The following PSD4 variants were observed in gnomAD, a reference collection of about 807,000 sequenced individuals.
PSD4 encodes the protein pleckstrin and Sec7 domain containing 4.
In PSD4, 59 loss-of-function variants were observed where a neutral mutation model predicts 112.5. That is an observed-to-expected ratio of 0.52 (90% CI 0.43 to 0.65). PSD4 has a LOEUF of 0.65. Ranked by LOEUF, PSD4 falls within the 30% of genes least tolerant of loss-of-function variation. The pLI, the probability that PSD4 is intolerant of heterozygous loss-of-function variation, is 0.00. For synonymous variants in PSD4, 533 were observed against 540.0 expected, an observed-to-expected ratio of 0.99 and a Z score of 0.18; for missense variants, 1,267 against 1,352.6, an observed-to-expected ratio of 0.94 and a Z score of 0.99.
At chr2:113,179,824 G>A (rs1351538689) in intron 1 of PSD4, among the ~76,000 whole-genome samples, 1 of 152,172 alleles carries the variant, frequency 6.6e-6, no homozygotes, top group African/African-American at 2.4e-5. Flanking sequence ...CTGTTGGGGA[G>A]GCTGCCTTAA....
chr2:113,190,865 G>A (rs764302489), intron 5 of PSD4, among the ~76,000 whole-genome samples: 1 of 152,214 alleles, frequency 6.6e-6, no homozygotes, highest in Non-Finnish European at 1.5e-5. Flanking sequence ...TTTAGGCATT[G>A]TGTTTACTAT....
chr2:113,183,092 G>A lies in PSD4; in HGVS notation c.636G>A (p.Gly212=), dbSNP rs1351232478. ...GCCCACCTGAGAATGAAGACTCAGG[G>A]GAAGACAGCAGTGAGCCTGAGGGAG... ...HSSPPENEDS[G]EDSSEPEGEG... is the part of the protein sequence containing the mutation. Residue 212 remains glycine, a synonymous_variant, in exon 2 of 17, where the codon GGG becomes GGA. Coordinates refer to ENST00000245796, the MANE Select transcript of PSD4 (RefSeq NM_012455.3). 1.2e-6 allele frequency: 2 copies of A among 1,613,470 alleles called. No individual in the cohort carries two copies. The highest frequency in any genetic ancestry group is 1.7e-6 in the Non-Finnish European group (2 of 1,179,592).
chr2:113,206,665 T>C lies in PSD4; in HGVS notation c.*5250T>C, dbSNP rs1026991055. ...TCCTCATGAAGATTAAGTGAAATTATGCACGTAAACATCTCAGAACAATGC... is the reference window on the plus strand; with the variant it reads ...TCCTCATGAAGATTAAGTGAAATTACGCACGTAAACATCTCAGAACAATGC... On this transcript the variant is annotated 3_prime_UTR_variant, in exon 17 of 17. Transcript: ENST00000245796. The C allele has an allele frequency of 3.3e-5, 5 of 152,270 alleles. No homozygotes were observed. Among genetic ancestry groups the C allele is most frequent in the African/African-American group, 1.2e-4 (5 of 41,466 alleles). The allele number at this position is 152,270 out of a possible 1,614,324, so 9.4% of individuals were successfully genotyped here.
Position 113,192,509 on chromosome 2 carries a change from G to A in PSD4, c.1758G>A (p.Lys586=), listed in dbSNP as rs142310577. 3.1e-6 allele frequency: 5 copies of A among 1,614,254 alleles called. No individual in the cohort carries two copies. Among genetic ancestry groups the A allele is most frequent in the Admixed American group, 3.3e-5 (2 of 60,032 alleles). ...TAGCTAATGGCGTCAGGAACAACAA[G>A]GTAGCCTGGAACTTGGCCTCACGCC... is the stretch of plus-strand genomic sequence containing the variant. The part of the protein sequence containing the change: ...DKLANGVRNN[K]VAWNLASRLY... Residue 586 remains lysine (K), a synonymous_variant, in exon 6 of 17, where the codon AAG becomes AAA. Coordinates refer to ENST00000245796, the MANE Select transcript of PSD4 (RefSeq NM_012455.3).
At chr2:113,187,321 C>T (rs1377248936) in intron 5 of PSD4, among the ~76,000 whole-genome samples, 1 of 152,236 alleles carries the variant, frequency 6.6e-6, no homozygotes, top group Non-Finnish European at 1.5e-5. Context: ...CTCACCTGTC[C>T]TGTGGTCCTC....
chr2:113,179,976 G>A (rs1688084653), intron 1 of PSD4, among the ~76,000 whole-genome samples: 1 of 152,144 alleles, frequency 6.6e-6, no homozygotes. Context: ...AGAGGGAGGG[G>A]TAAAAACCCA....
chr2:113,185,206 C>T (rs2104496995), intron 3 of PSD4, 133 bp downstream of exon 3: 1 of 1,555,950 alleles, frequency 6.4e-7, no homozygotes. Context: ...CCCTTCTGAA[C>T]TGAGGCTCCA....
At position 113,186,016 on chromosome 2, in the gene PSD4, A is replaced by G; in HGVS notation, c.1389A>G (p.Ala463=). ...SRGPGPRPSP[A]SSQEGSPQLQ... is the part of the protein sequence containing the mutation. ...GCCCTGGTCCCAGGCCCAGCCCTGC[A>G]TCGTCCCAGGAGGGCAGCCCGCAGC... is the stretch of plus-strand genomic sequence containing the variant. The change falls in exon 5 of 17, where the codon GCA becomes GCG. Residue 463 remains alanine, a synonymous_variant. Coordinates refer to ENST00000245796, the MANE Select transcript of PSD4 (RefSeq NM_012455.3). 1 of 1,614,238 alleles carries G rather than the reference A, an allele frequency of 6.2e-7. No individual in the cohort carries two copies. Among genetic ancestry groups the G allele is most frequent in the East Asian group, 2.2e-5 (1 of 44,890 alleles).
At chr2:113,181,307 C>T (rs1195598803) in intron 1 of PSD4, among the ~76,000 whole-genome samples, 4 of 152,144 alleles carry the variant, frequency 2.6e-5, no homozygotes, top group African/African-American at 7.2e-5. Flanking sequence ...CCTGCACTTC[C>T]ACTTTGTGGA....
At chr2:113,187,755 C>G (rs1688338395) in intron 5 of PSD4, among the ~76,000 whole-genome samples, 1 of 152,206 alleles carries the variant, frequency 6.6e-6, no homozygotes, top group South Asian at 2.1e-4. Flanking sequence ...AATATGAAAA[C>G]GTTCCCTGAT....
Position 113,186,724 on chromosome 2 carries a change from G to A in PSD4, c.1628+469G>A, listed in dbSNP as rs145694967. 1.8e-3 allele frequency among the ~76,000 whole-genome samples: 277 copies of A among 152,288 alleles called. 3 individuals are homozygous for A. The highest frequency in any genetic ancestry group is 5.8e-3 in the African/African-American group (240 of 41,558). ...GAACCTGGGCCTGGGGCACTGGCTC[G>A]GATCTCATCAAGTGGAGGTTTGATG... On this transcript the variant is annotated intron_variant, in intron 5 of 16. Coordinates refer to ENST00000245796, the MANE Select transcript of PSD4 (RefSeq NM_012455.3).
chr2:113,194,051 T>A, intron 10 of PSD4, 103 bp downstream of exon 10: 1 of 1,105,392 alleles, frequency 9.0e-7, no homozygotes, highest in Non-Finnish European at 1.3e-6. Flanking sequence ...TGCCAAAATA[T>A]CCTTGAGAGA....
chr2:113,199,615 A>G (rs540014988), intron 16 of PSD4, among the ~76,000 whole-genome samples: 1 of 152,298 alleles, frequency 6.6e-6, no homozygotes, highest in East Asian at 1.9e-4. Context: ...ATACCTACCA[A>G]ATATTAATAG....
rs1165098017 is a variant in PSD4, at chr2:113,196,551, GT to G, written c.2386+245del. The stretch of plus-strand genomic sequence containing the variant: ...GTTATTCCTGGGCCCCAGAGTCCCT[GT>G]AGTAAGGTAGAGATTAGACAAGTGT... On this transcript the variant is annotated intron_variant, in intron 12 of 16. Transcript: ENST00000245796. 1.1e-5 allele frequency: 5 copies of G among 455,128 alleles called. No homozygotes were observed. The East Asian group carries it at 1.6e-4, about 15-fold the overall frequency. 28.2% of individuals were successfully genotyped at this position (455,128 alleles called of 1,614,324 possible).
In PSD4 at chr2:113,193,239, C is replaced by A. The variant is rs1160662131; in HGVS notation, c.1920-19C>A. On this transcript the variant is annotated intron_variant, in intron 7 of 16. Transcript: ENST00000245796. ...CTAAGCTCCCGGGCTCTCTCCTTGA[C>A]CCTGGCCCTCCTTTGCAGGAGCTTC... The A allele has an allele frequency of 3.2e-6, 5 of 1,579,138 alleles. No homozygotes were observed. Among genetic ancestry groups the A allele is most frequent in the Non-Finnish European group, 4.3e-6 (5 of 1,163,420 alleles).
Position 113,205,002 on chromosome 2 carries a change from C to T in PSD4, c.*3587C>T, listed in dbSNP as rs1381598718. ...TTTTTTTTTGAGACAGAGTCTCGCT[C>T]TGTTGCCCAGGCTGGAGTGCAATGG... On this transcript the variant is annotated 3_prime_UTR_variant, in exon 17 of 17. Coordinates refer to ENST00000245796, the MANE Select transcript of PSD4 (RefSeq NM_012455.3). The T allele has an allele frequency of 1.3e-5, 2 of 151,728 alleles. No individual in the cohort carries two copies. Among genetic ancestry groups the T allele is most frequent in the African/African-American group, 4.9e-5 (2 of 41,174 alleles). 9.4% of individuals were successfully genotyped at this position (151,728 alleles called of 1,614,324 possible). A position where few individuals can be genotyped will look rare whatever the true frequency, so the allele number is the denominator to read the frequency against.
rs1293938443 is a variant in PSD4 at position 113,199,308 on chromosome 2, A to C, written c.2913+82A>C. ...GGCCGCCTCGGTCCCTGCAGCCGTC[A>C]CTGCCCTGACCGCGCCGGGGCGGGG... On this transcript the variant is annotated intron_variant, in intron 16 of 16. Transcript: ENST00000245796. The C allele has an allele frequency of 1.1e-5, 14 of 1,315,758 alleles. No homozygotes were observed. In the East Asian group the frequency reaches 1.9e-4, roughly 18 times the overall value. The allele number at this position is 1,315,758 out of a possible 1,614,324, so 81.5% of individuals were successfully genotyped here.
chr2:113,183,453 G>A lies in PSD4; in HGVS notation c.997G>A (p.Ala333Thr). 1.3e-6 allele frequency: 2 copies of A among 1,590,464 alleles called. No individual in the cohort carries two copies. The highest frequency in any genetic ancestry group is 1.8e-5 in the Admixed American group (1 of 56,340). The change falls in exon 2 of 17, where the codon GCC becomes ACC. Residue 333 changes from alanine to threonine, a missense_variant. Coordinates refer to ENST00000245796, the MANE Select transcript of PSD4 (RefSeq NM_012455.3). ...CTATAAACCACACTCCATCTGCTGG[G>A]CCTCAGTGGCTGCCGCTGAGGGGGC... ...PIYKPHSICW[A>T]SVAAAEGAPA... is the part of the protein sequence containing the mutation.
chr2:113,190,748 C>T (rs1419606393), intron 5 of PSD4, among the ~76,000 whole-genome samples: 1 of 152,234 alleles, frequency 6.6e-6, no homozygotes, highest in East Asian at 1.9e-4. Flanking sequence ...AGCCACTGCA[C>T]CCAGCCTGTT....
Sources: gnomAD v4.1 joint callset for allele counts (sites outside exome capture counted in the v4.1 genomes callset) on GRCh38, gnomAD v4.1.1 for gene constraint, MANE v1.5 for transcripts, NCBI Gene and HGNC (gene_info 2026-07-23, HGNC 2026-07-21) for gene names.